RADX: variants seen among roughly 807,000 people sequenced by gnomAD.
The protein encoded by RADX is RPA1 related single stranded DNA binding protein, X-linked, also known as RPA-related protein RADX.
RADX carries 36 observed loss-of-function variants against 61.6 expected under a neutral mutation model. That is an observed-to-expected ratio of 0.58 (90% confidence interval 0.45 to 0.77). The LOEUF (loss-of-function observed/expected upper bound fraction) is 0.77, where lower values mean the gene tolerates loss of function less well. Ranked by LOEUF, RADX falls within the 30% of genes least tolerant of loss-of-function variation. The pLI is 0.00. For synonymous variants in RADX, 272 were observed against 237.9 expected, an observed-to-expected ratio of 1.14 and a Z score of -1.32; for missense variants, 497 against 651.1, an observed-to-expected ratio of 0.76 and a Z score of 2.58.
At chrX:106,638,005 A>T (rs1241666420) in intron 8 of RADX, 81 bp downstream of exon 8, 2 of 839,629 alleles carry the variant, frequency 2.4e-6, no homozygotes, top group Admixed American at 4.9e-5. Context: ...AGTCATCTTT[A>T]TTCTTTTCTT....
intron 11 of RADX, among the ~76,000 whole-genome samples, chrX:106,661,015 C>G (rs1170156879): frequency 2.0e-4 from 22 of 111,102 alleles, no homozygotes; most frequent in Non-Finnish European, 1.9e-5. Context: ...ATAAAACCAT[C>G]AGATCTCGTG....
rs1393926876 is a variant in RADX, at chrX:106,612,184, G to T, written c.104G>T (p.Arg35Leu). The part of the protein sequence containing the change: ...NRAGVPGGVI[R>L]RAGSQGPRSW... ...GCTGGGGTCCCGGGAGGGGTGATCC[G>T]AAGAGCTGGTTCCCAAGGGCCCAGG... The change falls in exon 1 of 14, where the codon CGA becomes CTA. Residue 35 changes from arginine to leucine, a missense_variant. Arg to Leu is a moderately radical substitution (Grantham distance 102). Coordinates refer to ENST00000372548, the MANE Select transcript of RADX (RefSeq NM_018015.6). 5 of 1,211,755 alleles carry T rather than the reference G, an allele frequency of 4.1e-6. No individual in the cohort carries two copies. Among genetic ancestry groups the T allele is most frequent in the Non-Finnish European group, 5.6e-6 (5 of 895,493 alleles).
intron 11 of RADX, among the ~76,000 whole-genome samples, chrX:106,655,794 G>A (rs1418555449): frequency 8.9e-6 from 1 of 111,889 alleles, no homozygotes; most frequent in Non-Finnish European, 1.9e-5. Flanking sequence ...TACTGCCACA[G>A]TAAACATACG....
intron 1 of RADX, 103 bp from the exon 2 acceptor site, chrX:106,622,548 C>A: frequency 1.5e-6 from 1 of 674,862 alleles, no homozygotes; most frequent in Non-Finnish European, 2.2e-6. Flanking sequence ...AAGAAGGAGT[C>A]ACTTTAGGTA....
At chrX:106,660,976 A>G in intron 11 of RADX, among the ~76,000 whole-genome samples, 1 of 111,374 alleles carries the variant, frequency 9.0e-6, no homozygotes, top group Non-Finnish European at 1.9e-5. Context: ...AAGAGAGACA[A>G]TGTGTGCAGG....
intron 13 of RADX, among the ~76,000 whole-genome samples, chrX:106,670,115 A>G (rs992789147): frequency 2.1e-4 from 24 of 111,637 alleles, no homozygotes; most frequent in African/African-American, 7.8e-4. Context: ...GTGCCTGATG[A>G]CAAAGTAATT....
intron 1 of RADX, among the ~76,000 whole-genome samples, chrX:106,619,032 ATT>A (rs1195712501): frequency 1.0e-5 from 1 of 99,014 alleles, no homozygotes; most frequent in Non-Finnish European, 2.1e-5. Context: ...ATGCCACCTT[ATT>A]TTTTTTTTTT....
chrX:106,664,709 G>T (rs375160050), intron 12 of RADX, among the ~76,000 whole-genome samples: 1 of 109,056 alleles, frequency 9.2e-6, no homozygotes, highest in African/African-American at 3.3e-5. Context: ...ATACAGTCTC[G>T]GTGGGAGGGG....
intron 12 of RADX, among the ~76,000 whole-genome samples, chrX:106,665,625 C>A (rs1928210784): frequency 9.2e-6 from 1 of 108,606 alleles, no homozygotes; most frequent in African/African-American, 3.4e-5. Flanking sequence ...GCAGATAAAT[C>A]TGTATGATGT....
At position 106,621,299 on chromosome X, in the gene RADX, A is replaced by G. The variant is rs372409317; in HGVS notation, c.644-1352A>G. On this transcript the variant is annotated intron_variant, in intron 1 of 13. Coordinates refer to ENST00000372548, the MANE Select transcript of RADX (RefSeq NM_018015.6). ...TGTGTTTTATAGTATAGACATAATT[A>G]TATAATACCACTTAATCCCTTATTA... 6.2e-5 allele frequency among the ~76,000 whole-genome samples: 7 copies of G among 112,538 alleles called. No homozygotes were observed. The East Asian group carries it at 1.4e-3, about 22-fold the overall frequency.
At chrX:106,630,288 G>T (rs927880115) in intron 3 of RADX, among the ~76,000 whole-genome samples, 56 of 108,903 alleles carry the variant, frequency 5.1e-4, no homozygotes, top group African/African-American at 1.8e-3. Context: ...TTGCACCACT[G>T]CATTCCAGCC....
At chrX:106,664,940 T>A (rs1928192968) in intron 12 of RADX, among the ~76,000 whole-genome samples, 1 of 111,671 alleles carries the variant, frequency 9.0e-6, no homozygotes, top group Non-Finnish European at 1.9e-5. Context: ...ATACATTGTC[T>A]ATACTTCAAG....
At chrX:106,655,506 G>A (rs2147634148) in intron 11 of RADX, among the ~76,000 whole-genome samples, 1 of 106,853 alleles carries the variant, frequency 9.4e-6, no homozygotes, top group East Asian at 3.0e-4. Context: ...CCCACCCCAT[G>A]ACAGGCCCCA....
intron 2 of RADX, among the ~76,000 whole-genome samples, chrX:106,623,995 G>T (rs1425990158): frequency 5.4e-5 from 6 of 110,674 alleles, no homozygotes; most frequent in African/African-American, 2.0e-4. Context: ...GCCCTTGCTT[G>T]CCTCTCCAGT....
At chrX:106,650,159 A>G (rs1184797949) in intron 11 of RADX, among the ~76,000 whole-genome samples, 1 of 111,140 alleles carries the variant, frequency 9.0e-6, no homozygotes, top group African/African-American at 3.3e-5. Context: ...GATATCAAAG[A>G]GCTTCCTGTA....
chrX:106,637,673 A>G (rs1766025462), intron 7 of RADX, 87 bp from the exon 8 acceptor site: 17 of 801,301 alleles, frequency 2.1e-5, no homozygotes, highest in Non-Finnish European at 3.0e-5. Context: ...TTAATAGTAA[A>G]CTGTTTTTAC....
chrX:106,673,066 ATCT>A (rs1430507528), intron 13 of RADX, among the ~76,000 whole-genome samples: 1 of 111,603 alleles, frequency 9.0e-6, no homozygotes, highest in Non-Finnish European at 1.9e-5. Context: ...CAGAAATACC[ATCT>A]AAGAGCCAAG....
At chrX:106,634,117 A>C (rs1034056116) in intron 6 of RADX, among the ~76,000 whole-genome samples, 15 of 111,226 alleles carry the variant, frequency 1.3e-4, no homozygotes, top group Non-Finnish European at 2.3e-4. Context: ...GTGTTTGTAT[A>C]TATCTATCTA....
chrX:106,669,660 T>C (rs760540741), intron 13 of RADX, among the ~76,000 whole-genome samples: 1 of 111,837 alleles, frequency 8.9e-6, no homozygotes, highest in East Asian at 2.8e-4. Flanking sequence ...GGCGACACAA[T>C]TTGTCCTTTC....
Sources: allele counts gnomAD v4.1 joint callset (sites outside exome capture counted in the v4.1 genomes callset), GRCh38; gene constraint gnomAD v4.1.1; transcripts MANE v1.5; gene names NCBI Gene and HGNC (gene_info 2026-07-23, HGNC 2026-07-21).